Variants in FAM83B observed in about 807,000 individuals in gnomAD.
FAM83B encodes protein FAM83B.
Under a neutral mutation model 38.8 loss-of-function variants are expected in FAM83B, and 26 were observed. The observed-to-expected ratio is 0.67, with a 90% CI of 0.49 to 0.93. The LOEUF is 0.93. Ranked by LOEUF, FAM83B falls within the 40% of genes least tolerant of loss-of-function variation. FAM83B has a pLI of 0.00. For synonymous variants in FAM83B, 419 were observed against 423.1 expected, an observed-to-expected ratio of 0.99 and a Z score of 0.12; for missense variants, 1,237 against 1,197.3, an observed-to-expected ratio of 1.03 and a Z score of -0.49.
Position 54,944,038 on chromosome 6 carries a change from T to C in FAM83B, c.*2031T>C, listed in dbSNP as rs775307884. On this transcript the variant is annotated 3_prime_UTR_variant, in exon 5 of 5. Coordinates refer to ENST00000306858, the MANE Select transcript of FAM83B (RefSeq NM_001010872.3). Reference sequence around the variant, plus strand: ...GGTGACTTAGGCTTTGCACAGCAGATTTATTTTTCTCTGCGTTTTTTAAAA... The same window carrying C: ...GGTGACTTAGGCTTTGCACAGCAGACTTATTTTTCTCTGCGTTTTTTAAAA... 23 of 152,184 alleles carry C rather than the reference T, an allele frequency of 1.5e-4. No homozygotes were observed. Among genetic ancestry groups the C allele is most frequent in the Non-Finnish European group, 2.6e-4 (18 of 68,034 alleles). The allele number at this position is 152,184 out of a possible 1,614,324, so 9.4% of individuals were successfully genotyped here.
chr6:54,847,874 T>C (rs1415767881), intron 1 of FAM83B, among the ~76,000 whole-genome samples: 2 of 152,010 alleles, frequency 1.3e-5, no homozygotes, highest in Non-Finnish European at 2.9e-5. Flanking sequence ...TGGCAAGCAA[T>C]TGAGGCTAGA....
intron 2 of FAM83B, among the ~76,000 whole-genome samples, chr6:54,876,471 C>T (rs1292484978): frequency 6.6e-5 from 10 of 150,752 alleles, no homozygotes; most frequent in African/African-American, 2.4e-4. Context: ...ATTATAGGCA[C>T]CCATCACCAC....
At chr6:54,933,284 A>G (rs986998405) in intron 4 of FAM83B, among the ~76,000 whole-genome samples, 2 of 151,156 alleles carry the variant, frequency 1.3e-5, no homozygotes, top group African/African-American at 4.9e-5. Flanking sequence ...TCAGTTCCAG[A>G]ATTTCCTTTT....
chr6:54,933,621 G>A, intron 4 of FAM83B, among the ~76,000 whole-genome samples: 1 of 152,000 alleles, frequency 6.6e-6, no homozygotes, highest in East Asian at 1.9e-4. Flanking sequence ...CCCAGTCTTT[G>A]TATACTGTCT....
At chr6:54,902,573 TG>T in intron 2 of FAM83B, among the ~76,000 whole-genome samples, 1 of 152,342 alleles carries the variant, frequency 6.6e-6, no homozygotes, top group Non-Finnish European at 1.5e-5. Flanking sequence ...ATGCCCTCAT[TG>T]ATCATCATAG....
chr6:54,918,621 G>A (rs1206074250), intron 2 of FAM83B, among the ~76,000 whole-genome samples: 3 of 152,164 alleles, frequency 2.0e-5, no homozygotes, highest in Non-Finnish European at 4.4e-5. Context: ...CACAAGAACA[G>A]CATGGAGGTA....
chr6:54,872,026 G>C (rs571251512), intron 2 of FAM83B, among the ~76,000 whole-genome samples: 3 of 152,116 alleles, frequency 2.0e-5, no homozygotes, highest in Non-Finnish European at 4.4e-5. Flanking sequence ...ATAATGTAGA[G>C]AGACACAGTG....
At chr6:54,928,459 T>C (rs1168663784) in intron 4 of FAM83B, among the ~76,000 whole-genome samples, 11 of 152,198 alleles carry the variant, frequency 7.2e-5, no homozygotes, top group Non-Finnish European at 1.5e-4. Flanking sequence ...CATATCATTG[T>C]TGTGAGGATT....
At chr6:54,853,953 A>G (rs1561902894) in intron 1 of FAM83B, among the ~76,000 whole-genome samples, 1 of 152,234 alleles carries the variant, frequency 6.6e-6, no homozygotes, top group Non-Finnish European at 1.5e-5. Context: ...AAATATCAAC[A>G]TTAACAGCAG....
At chr6:54,937,110 A>C (rs1299710791) in intron 4 of FAM83B, among the ~76,000 whole-genome samples, 2 of 151,570 alleles carry the variant, frequency 1.3e-5, no homozygotes. Flanking sequence ...CTTTATAGAA[A>C]TAATAAGATG....
intron 2 of FAM83B, among the ~76,000 whole-genome samples, chr6:54,886,506 T>G (rs1270650894): frequency 1.3e-5 from 2 of 152,084 alleles, no homozygotes; most frequent in African/African-American, 4.8e-5. Context: ...TGTTTTGTTT[T>G]TACTGCTTTT....
intron 2 of FAM83B, among the ~76,000 whole-genome samples, chr6:54,887,571 C>G (rs986593225): frequency 6.6e-6 from 1 of 151,700 alleles, no homozygotes; most frequent in African/African-American, 2.4e-5. Flanking sequence ...GGTTATGGAC[C>G]TTGTTATTAC....
chr6:54,909,139 G>C (rs950688490), intron 2 of FAM83B, among the ~76,000 whole-genome samples: 2 of 134,434 alleles, frequency 1.5e-5, no homozygotes, highest in African/African-American at 5.0e-5. Flanking sequence ...AATTTACTAA[G>C]ATTCATGTTT....
At chr6:54,854,252 T>C (rs1474856186) in intron 1 of FAM83B, among the ~76,000 whole-genome samples, 1 of 152,326 alleles carries the variant, frequency 6.6e-6, no homozygotes, top group South Asian at 2.1e-4. Context: ...TAGAATATTA[T>C]AAAAACTTAG....
rs79258797 is a variant in FAM83B, at chr6:54,915,367, G to A, written c.445-11004G>A. Among the ~76,000 whole-genome samples the A allele has an allele frequency of 6.7e-3, 1,015 of 152,152 alleles. 13 individuals are homozygous for A. The highest frequency in any genetic ancestry group is 0.024 in the African/African-American group (980 of 41,466). On this transcript the variant is annotated intron_variant, in intron 2 of 4. Coordinates refer to ENST00000306858, the MANE Select transcript of FAM83B (RefSeq NM_001010872.3). ...TCTGTCTATCCTTTCTCTGTTGTCC[G>A]TTAGAAGCAATTAGCCAATGAGTCT...
At chr6:54,847,020 A>G (rs911346387) in intron 1 of FAM83B, among the ~76,000 whole-genome samples, 194 bp downstream of exon 1, 2 of 152,136 alleles carry the variant, frequency 1.3e-5, no homozygotes, top group African/African-American at 4.8e-5. Context: ...TGTAAAGCTC[A>G]GTTGCTTCAG....
Position 54,884,299 on chromosome 6 carries a change from T to TA in FAM83B, c.444+13628dup, listed in dbSNP as rs70983475. On this transcript the variant is annotated intron_variant, in intron 2 of 4. Transcript: ENST00000306858. ...CCTGGTGACAGAGCAAGACCCCGTCTAAAAAAAAAAAAAAAAAAAGAGAAA... is the reference window on the plus strand; with the variant it reads ...CCTGGTGACAGAGCAAGACCCCGTCTAAAAAAAAAAAAAAAAAAAAGAGAAA... Among the ~76,000 whole-genome samples the TA allele has an allele frequency of 8.8e-3, 725 of 82,260 alleles. 20 individuals are homozygous for TA. Among genetic ancestry groups the TA allele is most frequent in the African/African-American group, 0.032 (589 of 18,184 alleles). 54.0% of individuals were successfully genotyped at this position (82,260 alleles called of 152,430 possible).
chr6:54,883,706 A>G (rs1357710230), intron 2 of FAM83B, among the ~76,000 whole-genome samples: 1 of 150,270 alleles, frequency 6.7e-6, no homozygotes, highest in Non-Finnish European at 1.5e-5. Flanking sequence ...TGTATGAATT[A>G]TTTGTCAGAC....
intron 2 of FAM83B, among the ~76,000 whole-genome samples, chr6:54,876,604 C>T (rs148069148): frequency 6.6e-6 from 1 of 151,768 alleles, no homozygotes; most frequent in Admixed American, 6.6e-5. Flanking sequence ...CAGACATGAG[C>T]CACCGCACCC....
Sources: gnomAD v4.1 joint callset for allele counts (sites outside exome capture counted in the v4.1 genomes callset) on GRCh38, gnomAD v4.1.1 for gene constraint, MANE v1.5 for transcripts, NCBI Gene and HGNC (gene_info 2026-07-23, HGNC 2026-07-21) for gene names.